PKP2: variants seen among roughly 807,000 people sequenced by gnomAD.
PKP2 encodes plakophilin-2.
A neutral mutation model predicts 83.4 loss-of-function variants in PKP2; 73 were observed. That is an observed-to-expected ratio of 0.88 (90% CI 0.72 to 1.06). The LOEUF (loss-of-function observed/expected upper bound fraction) is 1.06, where lower values mean the gene tolerates loss of function less well. Among genes scored for constraint, PKP2 ranks in the 50% least tolerant of loss-of-function variants. The pLI, the probability that PKP2 is intolerant of heterozygous loss-of-function variation, is 0.00. For synonymous variants in PKP2, 409 were observed against 430.4 expected, an observed-to-expected ratio of 0.95 and a Z score of 0.62; for missense variants, 966 against 1,065.4, an observed-to-expected ratio of 0.91 and a Z score of 1.30.
chr12:32,807,426 C>T (rs1054993994), intron 9 of PKP2, among the ~76,000 whole-genome samples: 2 of 152,140 alleles, frequency 1.3e-5, no homozygotes, highest in Non-Finnish European at 2.9e-5. Flanking sequence ...TGTGTCTTTG[C>T]ATGTGAGATG....
intron 9 of PKP2, among the ~76,000 whole-genome samples, chr12:32,812,952 T>C (rs966243464): frequency 7.2e-5 from 11 of 152,228 alleles, no homozygotes; most frequent in Non-Finnish European, 1.6e-4. Flanking sequence ...TTATTCCTGG[T>C]TGTAGCTGTA....
At chr12:32,867,633 A>G (rs1271896805) in intron 4 of PKP2, among the ~76,000 whole-genome samples, 5 of 152,230 alleles carry the variant, frequency 3.3e-5, no homozygotes, top group Admixed American at 2.6e-4. Flanking sequence ...ATACGGTATA[A>G]AAAAATAAAG....
intron 4 of PKP2, among the ~76,000 whole-genome samples, chr12:32,866,506 G>C (rs1262806946): frequency 2.4e-5 from 3 of 123,260 alleles, no homozygotes; most frequent in Non-Finnish European, 3.2e-5. Context: ...AGCCAAAATT[G>C]TGCCACTGCA....
chr12:32,810,291 A>T (rs1268010564), intron 9 of PKP2, among the ~76,000 whole-genome samples: 1 of 152,154 alleles, frequency 6.6e-6, no homozygotes, highest in Non-Finnish European at 1.5e-5. Context: ...TTTAGTATTC[A>T]CTTCTTCCAG....
At chr12:32,826,132 T>C (rs1244950674) in intron 6 of PKP2, among the ~76,000 whole-genome samples, 2 of 151,558 alleles carry the variant, frequency 1.3e-5, no homozygotes, top group Non-Finnish European at 2.9e-5. Flanking sequence ...TGAAAACCCG[T>C]CTCTACTAAA....
intron 5 of PKP2, among the ~76,000 whole-genome samples, chr12:32,846,648 G>A (rs1300933953): frequency 6.6e-6 from 1 of 151,780 alleles, no homozygotes; most frequent in Non-Finnish European, 1.5e-5. Context: ...GGGAGGCTAA[G>A]GCAGGAGAAT....
chr12:32,849,357 C>T (rs370658864), intron 5 of PKP2, among the ~76,000 whole-genome samples: 8 of 152,306 alleles, frequency 5.3e-5, no homozygotes, highest in East Asian at 1.9e-4. Flanking sequence ...GCTGAGACTA[C>T]AGGCACACAC....
chr12:32,866,550 CAAAAAAAAAA>C (rs56079220), intron 4 of PKP2, among the ~76,000 whole-genome samples: 2 of 36,178 alleles, frequency 5.5e-5, no homozygotes, highest in African/African-American at 2.7e-4. Context: ...GATCCTTTCT[CAAAAAAAAAA>C]AAAAAAAAAA....
intron 1 of PKP2, among the ~76,000 whole-genome samples, chr12:32,896,308 G>T (rs879504221): frequency 1.3e-5 from 2 of 152,192 alleles, no homozygotes; most frequent in Non-Finnish European, 2.9e-5. Context: ...ATATACATAG[G>T]TACCTATATG....
rs565142136 is a variant in PKP2, at chr12:32,888,343, A to C, written c.223+8166T>G. On this transcript the variant is annotated intron_variant, in intron 1 of 12. Coordinates refer to ENST00000340811, the MANE Select transcript of PKP2 (RefSeq NM_001005242.3). Reference sequence around the variant, plus strand: ...CAATAATATAAAAAAAGGTGAATTTATAGAACTCACAAATTATTTTTTGCT... The same window carrying C: ...CAATAATATAAAAAAAGGTGAATTTCTAGAACTCACAAATTATTTTTTGCT... Among the ~76,000 whole-genome samples the C allele has an allele frequency of 4.6e-5, 7 of 152,362 alleles. No individual in the cohort carries two copies. In the South Asian group the frequency reaches 1.0e-3, roughly 23 times the overall value.
At chr12:32,867,525 A>G (rs1230186867) in intron 4 of PKP2, among the ~76,000 whole-genome samples, 2 of 152,214 alleles carry the variant, frequency 1.3e-5, no homozygotes, top group African/African-American at 2.4e-5. Flanking sequence ...TAAGGTAGTT[A>G]AAAAATCAAC....
In PKP2 at chr12:32,869,997, C is replaced by T. The variant is rs1370595040; in HGVS notation, c.1035-935G>A. Among the ~76,000 whole-genome samples, 6 of 152,262 alleles carry T rather than the reference C, an allele frequency of 3.9e-5. No individual in the cohort carries two copies. The South Asian group carries it at 1.0e-3, about 26-fold the overall frequency. ...TGAGCCTTGGTCACACCACTGCACT[C>T]CACCCTGAGCAACAGAGTGAGACTC... On this transcript the variant is annotated intron_variant, in intron 3 of 12. Transcript: ENST00000340811.
intron 5 of PKP2, chr12:32,843,397 T>C: frequency 9.8e-7 from 1 of 1,017,578 alleles, no homozygotes; most frequent in Admixed American, 1.9e-5. Flanking sequence ...GGCTGAACTA[T>C]GTGGCAAACA....
chr12:32,885,028 C>G (rs372147532), intron 1 of PKP2, among the ~76,000 whole-genome samples: 10 of 152,268 alleles, frequency 6.6e-5, no homozygotes, highest in East Asian at 3.9e-4. Context: ...ATACCATGCA[C>G]ATTTTATGGA....
intron 11 of PKP2, among the ~76,000 whole-genome samples, chr12:32,793,423 C>T (rs142026025): frequency 1.7e-3 from 260 of 151,926 alleles, no homozygotes; most frequent in Middle Eastern, 3.4e-3. Flanking sequence ...CTGAAAAATA[C>T]ATACGATTTT....
chr12:32,812,220 G>A (rs548047990), intron 9 of PKP2, among the ~76,000 whole-genome samples: 10 of 150,034 alleles, frequency 6.7e-5, no homozygotes, highest in South Asian at 6.4e-4. Context: ...CATTTTCAAC[G>A]CATGGTGTCA....
chr12:32,828,938 G>T (rs74800770), intron 6 of PKP2, among the ~76,000 whole-genome samples: 10,694 of 150,538 alleles, frequency 0.071, 1,145 homozygotes, highest in East Asian at 0.56. Context: ...ATTTTTTTTT[G>T]TTTTGTTTTG....
intron 1 of PKP2, among the ~76,000 whole-genome samples, chr12:32,886,022 A>C (rs1288097707): frequency 1.3e-5 from 2 of 152,196 alleles, no homozygotes; most frequent in Non-Finnish European, 2.9e-5. Flanking sequence ...CTGGAGATGA[A>C]GATACATGTA....
chr12:32,806,557 G>A (rs887520356), intron 9 of PKP2, among the ~76,000 whole-genome samples: 19 of 152,112 alleles, frequency 1.2e-4, no homozygotes, highest in African/African-American at 4.8e-5. Context: ...GGTCAGTGGT[G>A]ATATCCCACT....
Sources: gnomAD v4.1 joint callset for allele counts (sites outside exome capture counted in the v4.1 genomes callset) on GRCh38, gnomAD v4.1.1 for gene constraint, MANE v1.5 for transcripts, NCBI Gene and HGNC (gene_info 2026-07-23, HGNC 2026-07-21) for gene names.